The following CHCHD5 variants were observed in gnomAD, a reference collection of about 807,000 sequenced individuals.
The protein encoded by CHCHD5 is coiled-coil-helix-coiled-coil-helix domain-containing protein 5.
In CHCHD5, 10 loss-of-function variants were observed where a neutral mutation model predicts 16.0. The ratio of observed to expected loss-of-function variants is 0.63; its 90% CI spans 0.39 to 1.06. CHCHD5 has a LOEUF of 1.06. CHCHD5 is among the 50% of genes least tolerant of loss of function. The pLI is 0.01. For synonymous variants in CHCHD5, 55 were observed against 56.3 expected (o/e 0.98, Z 0.10); for missense variants, 163 against 153.4 (o/e 1.06, Z -0.33).
At chr2:112,584,966 C>T (rs1178602715) in intron 1 of CHCHD5, 1 of 484,412 alleles carries the variant, frequency 2.1e-6, no homozygotes, top group Non-Finnish European at 3.8e-6. Flanking sequence ...TATTTAGGGA[C>T]CTCTATGACT....
intron 3 of CHCHD5, 23 bp downstream of exon 3, chr2:112,586,388 C>T: frequency 1.2e-6 from 2 of 1,614,170 alleles, no homozygotes; most frequent in South Asian, 2.2e-5. Context: ...CACCTCAGTT[C>T]ATCTCTTTTC....
In CHCHD5 at chr2:112,589,017, T is replaced by C; in HGVS notation, c.*128T>C. ...CTTTCCTGGATATCAGGACTTCCAATAAATAAAGACTCTGTATACTGGGCT... is the reference window on the plus strand; with the variant it reads ...CTTTCCTGGATATCAGGACTTCCAACAAATAAAGACTCTGTATACTGGGCT... On this transcript the variant is annotated 3_prime_UTR_variant, in exon 4 of 4. Coordinates refer to ENST00000324913, the MANE Select transcript of CHCHD5 (RefSeq NM_032309.4). 1.4e-6 allele frequency: 1 copy of C among 693,486 alleles called. No individual in the cohort carries two copies. The highest frequency in any genetic ancestry group is 2.6e-6 in the Non-Finnish European group (1 of 389,094). 43.0% of individuals were successfully genotyped at this position (693,486 alleles called of 1,614,324 possible).
rs552234685 is a variant in CHCHD5 at position 112,588,501 on chromosome 2, A to C, written c.310-365A>C. ...CCTGTGTTTTTGTGGCTGACAATCA[A>C]AGTGGTACATGTCCCTCCCATTCCG... On this transcript the variant is annotated intron_variant, in intron 3 of 3. Transcript: ENST00000324913. The C allele has an allele frequency of 7.9e-4, 181 of 230,198 alleles. 1 individual carries two copies. The highest frequency in any genetic ancestry group is 3.6e-3 in the African/African-American group (157 of 43,536). 14.3% of individuals were successfully genotyped at this position (230,198 alleles called of 1,614,324 possible).
intron 3 of CHCHD5, 121 bp downstream of exon 3, chr2:112,586,486 T>C: frequency 6.4e-7 from 1 of 1,559,612 alleles, no homozygotes. Context: ...CACAGGCCTT[T>C]GCCATGCATC....
Position 112,585,875 on chromosome 2 carries a change from G to C in CHCHD5, c.3-99G>C, listed in dbSNP as rs988189292. On this transcript the variant is annotated intron_variant, in intron 1 of 3. Transcript: ENST00000324913. The stretch of plus-strand genomic sequence containing the variant: ...ATCGTGCCACTGCACTCCAGCCTGG[G>C]CCACAGTGAGACCCTGTCTCTAAAA... The C allele has an allele frequency of 2.2e-6, 3 of 1,376,920 alleles. No homozygotes were observed. In the African/African-American group the frequency reaches 4.4e-5, roughly 20 times the overall value. The allele number at this position is 1,376,920 out of a possible 1,614,324, so 85.3% of individuals were successfully genotyped here.
chr2:112,588,362 G>GT (rs1685286812), intron 3 of CHCHD5: 1 of 152,340 alleles, frequency 6.6e-6, no homozygotes, highest in Non-Finnish European at 1.5e-5. Context: ...TGGCATCCCA[G>GT]TTACAGTTTT....
chr2:112,586,893 A>T, intron 3 of CHCHD5: 1 of 286,062 alleles, frequency 3.5e-6, no homozygotes, highest in Non-Finnish European at 6.6e-6. Flanking sequence ...CTAATATGTA[A>T]ACCAGATATA....
At chr2:112,587,922 C>G (rs1192846755) in intron 3 of CHCHD5, 1 of 152,294 alleles carries the variant, frequency 6.6e-6, no homozygotes, top group Non-Finnish European at 1.5e-5. Context: ...AGCAACCAGC[C>G]TCTCTCTGGT....
At position 112,588,919 on chromosome 2, in the gene CHCHD5, A is replaced by T. The variant is rs770303560; in HGVS notation, c.*30A>T. The T allele has an allele frequency of 4.4e-6, 7 of 1,588,418 alleles. No homozygotes were observed. Among genetic ancestry groups the T allele is most frequent in the Non-Finnish European group, 6.1e-6 (7 of 1,156,920 alleles). ...TCCTCTGACGGCAGGAAAACTGGAC[A>T]TGAATGACTGCCCCCACGCCCCTCC... On this transcript the variant is annotated 3_prime_UTR_variant, in exon 4 of 4. Transcript: ENST00000324913.
In CHCHD5 at chr2:112,585,980, G is replaced by T; in HGVS notation, c.9G>T (p.Ala3=). ...AGCCCATCCTGTCCCACAGGCAGGC[G>T]GCCCTAGAGGTCACCGCTCGCTACT... MQ[A]ALEVTARYCG... The change falls in exon 2 of 4, where the codon GCG becomes GCT. Residue 3 remains alanine, a synonymous_variant. Coordinates refer to ENST00000324913, the MANE Select transcript of CHCHD5 (RefSeq NM_032309.4). 1.9e-6 allele frequency: 3 copies of T among 1,613,332 alleles called. No individual in the cohort carries two copies. The highest frequency in any genetic ancestry group is 2.5e-6 in the Non-Finnish European group (3 of 1,179,378).
chr2:112,584,691 C>T, intron 1 of CHCHD5, 42 bp downstream of exon 1: 1 of 1,612,706 alleles, frequency 6.2e-7, no homozygotes, highest in Non-Finnish European at 8.5e-7. Context: ...CTGCCGCTCC[C>T]CTTCTTTTAC....
chr2:112,588,780 A>AGG, intron 3 of CHCHD5, 86 bp from the exon 4 acceptor site: 1 of 1,037,896 alleles, frequency 9.6e-7, no homozygotes, highest in Non-Finnish European at 1.5e-6. Flanking sequence ...TGGGCTCTGC[A>AGG]GGGTCTCCCT....
At chr2:112,588,291 CAAAAAAA>C (rs1190688640) in intron 3 of CHCHD5, 1 of 97,926 alleles carries the variant, frequency 1.0e-5, no homozygotes, top group Admixed American at 1.1e-4. Flanking sequence ...CTCTGTCTTC[CAAAAAAA>C]AAAAAAAAAG....
upstream of CHCHD5, chr2:112,584,498 C>G: frequency 2.1e-6 from 2 of 940,166 alleles, no homozygotes; most frequent in Non-Finnish European, 3.3e-6. Flanking sequence ...TAGGGCGCCG[C>G]CGTGACAGAT....
At chr2:112,584,538 C>T (rs955109135), upstream of CHCHD5, 6 of 1,397,864 alleles carry the variant, frequency 4.3e-6, no homozygotes, top group Admixed American at 3.4e-5. Context: ...GTTGTTAGTT[C>T]AATTGGCTAC....
At chr2:112,588,491 C>T in intron 3 of CHCHD5, 1 of 214,178 alleles carries the variant, frequency 4.7e-6, no homozygotes, top group East Asian at 1.3e-4. Flanking sequence ...GTTTTTGTGG[C>T]TGACAATCAA....
At position 112,584,668 on chromosome 2, in the gene CHCHD5, T is replaced by C; in HGVS notation, c.2+19T>C. ...TCGAGATGTGAGTAGTGAGAGCGCC[T>C]ACCCCATACGTGCTGCCGCTCCCCT... On this transcript the variant is annotated intron_variant, in intron 1 of 3. Transcript: ENST00000324913. 6.2e-7 allele frequency: 1 copy of C among 1,613,888 alleles called. No homozygotes were observed. Among genetic ancestry groups the C allele is most frequent in the Non-Finnish European group, 8.5e-7 (1 of 1,179,844 alleles).
chr2:112,584,781 C>T (rs1289561150), intron 1 of CHCHD5, 132 bp downstream of exon 1: 2 of 1,134,582 alleles, frequency 1.8e-6, no homozygotes, highest in South Asian at 1.3e-5. Context: ...CCTCAGGATT[C>T]AGCGCCTTCG....
At chr2:112,588,829 G>A (rs1243559150) in intron 3 of CHCHD5, 37 bp from the exon 4 acceptor site, 4 of 1,580,280 alleles carry the variant, frequency 2.5e-6, no homozygotes, top group Non-Finnish European at 2.6e-6. Context: ...TGGGCACAGA[G>A]GAGGTGCTAC....
Sources: gnomAD v4.1 joint callset for allele counts on GRCh38, gnomAD v4.1.1 for gene constraint, MANE v1.5 for transcripts, NCBI Gene and HGNC (gene_info 2026-07-23, HGNC 2026-07-21) for gene names.